Variants in MAD1L1 observed in about 807,000 individuals in gnomAD.
MAD1L1 encodes mitotic arrest deficient 1 like 1, also known as mitotic spindle assembly checkpoint protein MAD1.
Under a neutral mutation model 96.9 loss-of-function variants are expected in MAD1L1, and 95 were observed. The ratio of observed to expected loss-of-function variants is 0.98; its 90% CI spans 0.83 to 1.16. The LOEUF (loss-of-function observed/expected upper bound fraction) is 1.16, where lower values mean the gene tolerates loss of function less well. MAD1L1 is among the 50% of genes most tolerant of loss of function. MAD1L1 has a pLI of 0.00. For missense variants in MAD1L1, 1,007 were observed against 954.4 expected (o/e 1.06, Z -0.73); for synonymous variants, 473 against 396.6 (o/e 1.19, Z -2.29).
At chr7:2,228,892 C>A (rs1794052354) in intron 3 of MAD1L1, among the ~76,000 whole-genome samples, 1 of 152,026 alleles carries the variant, frequency 6.6e-6, no homozygotes, top group East Asian at 1.9e-4. Flanking sequence ...AGGTGCCACG[C>A]CCAGCTAATT....
At chr7:1,994,587 G>T (rs550769375) in intron 14 of MAD1L1, among the ~76,000 whole-genome samples, 55 of 152,274 alleles carry the variant, frequency 3.6e-4, no homozygotes, top group African/African-American at 1.2e-3. Flanking sequence ...TGGACTGTGT[G>T]CTCCCGCTCT....
Position 2,149,029 on chromosome 7 carries a change from C to T in MAD1L1, c.1073+123G>A, listed in dbSNP as rs556915622. ...CCCTGCTCCCCCATCTCCTCCCAGA[C>T]CAGGGCCAACCACATGATGAAGGAC... On this transcript the variant is annotated intron_variant, in intron 11 of 18. Transcript: ENST00000265854. 9.6e-6 allele frequency: 8 copies of T among 831,514 alleles called. No homozygotes were observed. The African/African-American group carries it at 1.3e-4, about 14-fold the overall frequency. The allele number at this position is 831,514 out of a possible 1,614,324, so 51.5% of individuals were successfully genotyped here.
At chr7:1,887,861 A>ACGTTTGTGTGTGGCTGCCTGGG (rs1786205984) in intron 18 of MAD1L1, among the ~76,000 whole-genome samples, 2 of 132,146 alleles carry the variant, frequency 1.5e-5, no homozygotes, top group African/African-American at 5.8e-5. Flanking sequence ...GTGTGTGTGC[A>ACGTTTGTGTGTGGCTGCCTGGG]CGTGTGTGTG....
intron 16 of MAD1L1, among the ~76,000 whole-genome samples, chr7:1,941,828 C>T (rs1286177003): frequency 5.9e-5 from 9 of 152,152 alleles, no homozygotes; most frequent in Non-Finnish European, 1.0e-4. Flanking sequence ...TAACTGGTGG[C>T]GTGGAGAACC....
At chr7:2,041,518 C>A (rs1368760226) in intron 12 of MAD1L1, among the ~76,000 whole-genome samples, 2 of 152,228 alleles carry the variant, frequency 1.3e-5, no homozygotes, top group African/African-American at 2.4e-5. Flanking sequence ...CACCTGTTCC[C>A]CACACTCCCT....
At chr7:2,069,627 G>A (rs1344607238) in intron 11 of MAD1L1, among the ~76,000 whole-genome samples, 3 of 152,252 alleles carry the variant, frequency 2.0e-5, no homozygotes, top group East Asian at 1.9e-4. Context: ...TTCAGGAGAC[G>A]GGACTTCTGA....
chr7:1,891,979 T>C (rs1200732808), intron 18 of MAD1L1, among the ~76,000 whole-genome samples: 1 of 152,176 alleles, frequency 6.6e-6, no homozygotes, highest in African/African-American at 2.4e-5. Flanking sequence ...ACTCATGTCC[T>C]AGGCCTTCAC....
At chr7:1,828,256 C>T (rs1270257616) in intron 18 of MAD1L1, among the ~76,000 whole-genome samples, 6 of 152,272 alleles carry the variant, frequency 3.9e-5, no homozygotes, top group African/African-American at 4.8e-5. Context: ...GGAAGGGTGG[C>T]GGGCCCTGAG....
chr7:2,120,181 AAC>A (rs1478595093), intron 11 of MAD1L1, among the ~76,000 whole-genome samples: 3 of 152,180 alleles, frequency 2.0e-5, no homozygotes, highest in African/African-American at 4.8e-5. Context: ...GGCTTTGCCC[AAC>A]ACAGTCTCCC....
rs935470870 is a variant in MAD1L1 at position 1,968,908 on chromosome 7, T to C, written c.1506-11189A>G. On this transcript the variant is annotated intron_variant, in intron 15 of 18. Coordinates refer to ENST00000265854, the MANE Select transcript of MAD1L1 (RefSeq NM_001013836.2). This position sits in a 1 kb window ranked among gnomAD's most constrained non-coding sequence, Gnocchi z 5.6. Reference sequence around the variant, plus strand: ...CCTGGCTGCAACATGCAGGAAAGCCTGGTGGATCCAAACAAGGGCTGGAGA... The same window carrying C: ...CCTGGCTGCAACATGCAGGAAAGCCCGGTGGATCCAAACAAGGGCTGGAGA... Among the ~76,000 whole-genome samples the C allele has an allele frequency of 6.6e-6, 1 of 152,206 alleles. No individual in the cohort carries two copies. Among genetic ancestry groups the C allele is most frequent in the East Asian group, 1.9e-4 (1 of 5,196 alleles).
intron 10 of MAD1L1, among the ~76,000 whole-genome samples, chr7:2,212,436 G>A (rs1042493845): frequency 3.3e-5 from 5 of 152,218 alleles, no homozygotes; most frequent in Admixed American, 2.0e-4. Context: ...AATCCCCAGT[G>A]CTGAAAGTGG....
intron 11 of MAD1L1, among the ~76,000 whole-genome samples, chr7:2,097,358 A>C (rs996918541): frequency 2.0e-5 from 3 of 152,216 alleles, no homozygotes; most frequent in Non-Finnish European, 4.4e-5. Flanking sequence ...AAACCAGCCC[A>C]AAATCCAAAG....
chr7:1,876,027 A>G (rs763970154), intron 18 of MAD1L1, among the ~76,000 whole-genome samples: 5 of 152,190 alleles, frequency 3.3e-5, no homozygotes, highest in Non-Finnish European at 7.4e-5. Flanking sequence ...CTCAGATTTC[A>G]GCCTCCAGAA....
intron 16 of MAD1L1, among the ~76,000 whole-genome samples, chr7:1,951,894 G>A (rs1292493273): frequency 2.6e-5 from 4 of 152,202 alleles, no homozygotes; most frequent in Non-Finnish European, 5.9e-5. Flanking sequence ...CGAGGCTGCT[G>A]TGAACGTGGG....
intron 10 of MAD1L1, among the ~76,000 whole-genome samples, chr7:2,169,563 AGT>A (rs1469908504): frequency 6.6e-6 from 1 of 152,244 alleles, no homozygotes. Context: ...AGCGGTGGCC[AGT>A]GTGTCTACAC....
chr7:1,884,618 A>G (rs1291074946), intron 18 of MAD1L1, among the ~76,000 whole-genome samples: 2 of 152,148 alleles, frequency 1.3e-5, no homozygotes, highest in African/African-American at 2.4e-5. Flanking sequence ...CAGGTCTAAG[A>G]GACGACCGAG....
chr7:2,170,656 G>A (rs914970987), intron 10 of MAD1L1, among the ~76,000 whole-genome samples: 1 of 152,218 alleles, frequency 6.6e-6, no homozygotes, highest in Non-Finnish European at 1.5e-5. Context: ...AAGAATAGTT[G>A]CAAGACGCAA....
chr7:1,945,324 C>T (rs1241439954), intron 16 of MAD1L1, among the ~76,000 whole-genome samples: 1 of 152,270 alleles, frequency 6.6e-6, no homozygotes, highest in Non-Finnish European at 1.5e-5. Flanking sequence ...CCGGCACAGG[C>T]TCCATGTGGA....
Position 2,088,054 on chromosome 7 carries a change from G to C in MAD1L1, c.1074-18716C>G, listed in dbSNP as rs1177704622. Among the ~76,000 whole-genome samples the C allele has an allele frequency of 6.6e-6, 1 of 152,190 alleles. No individual in the cohort carries two copies. The highest frequency in any genetic ancestry group is 1.5e-5 in the Non-Finnish European group (1 of 68,038). On this transcript the variant is annotated intron_variant, in intron 11 of 18. Coordinates refer to ENST00000265854, the MANE Select transcript of MAD1L1 (RefSeq NM_001013836.2). This position sits in a 1 kb window ranked among gnomAD's most constrained non-coding sequence, Gnocchi z 4.4. ...GAGGCTTGAGGCTCTAGGAGAGTTA[G>C]AGAAGAAGAAGACTGGGACTCGGAC...
Sources: gnomAD v4.1 joint callset for allele counts (sites outside exome capture counted in the v4.1 genomes callset) on GRCh38, gnomAD v4.1.1 for gene constraint, Gnocchi (gnomAD v3.1) non-coding constraint, MANE v1.5 for transcripts, NCBI Gene and HGNC (gene_info 2026-07-23, HGNC 2026-07-21) for gene names.